CEP128: variants seen among roughly 807,000 people sequenced by gnomAD.
CEP128 encodes the protein centrosomal protein 128.
CEP128 carries 132 observed loss-of-function variants against 156.7 expected under a neutral mutation model. That is an observed-to-expected ratio of 0.84 (90% CI 0.73 to 0.97). The LOEUF is 0.97. Among genes scored for constraint, CEP128 ranks in the 50% least tolerant of loss-of-function variants. The pLI is 0.00. For synonymous variants in CEP128, 469 were observed against 448.9 expected (o/e 1.04, Z -0.57); for missense variants, 1,252 against 1,281.9 (o/e 0.98, Z 0.36).
At chr14:80,905,042 C>A (rs1883806430) in intron 5 of CEP128, 111 bp from the exon 6 acceptor site, 1 of 659,020 alleles carries the variant, frequency 1.5e-6, no homozygotes, top group Non-Finnish European at 2.8e-6. Context: ...TATTCATGTC[C>A]CTAACCCAGA....
intron 2 of CEP128, among the ~76,000 whole-genome samples, chr14:80,936,649 T>C (rs150480458): frequency 6.6e-6 from 1 of 152,016 alleles, no homozygotes; most frequent in Non-Finnish European, 1.5e-5. Flanking sequence ...ACAAAAATAT[T>C]TGCATTATAT....
At chr14:80,625,808 C>A (rs1893690218) in intron 19 of CEP128, among the ~76,000 whole-genome samples, 1 of 143,218 alleles carries the variant, frequency 7.0e-6, no homozygotes, top group African/African-American at 2.6e-5. Context: ...TTTCTTTTTT[C>A]TTCCTTATTT....
Position 80,916,418 on chromosome 14 carries a change from T to C in CEP128, c.130A>G (p.Ile44Val), listed in dbSNP as rs1490261009. The C allele has an allele frequency of 5.6e-6, 9 of 1,613,620 alleles. No homozygotes were observed. Among genetic ancestry groups the C allele is most frequent in the Admixed American group, 1.7e-5 (1 of 59,914 alleles). Residue 44 changes from isoleucine to valine, a missense_variant, in exon 3 of 25, where the codon ATA becomes GTA. Transcript: ENST00000555265. ...AAACTAACCTGTAAAGTACTTGTTATAGTGTTGACCTTCTCGGTAACTTCT... is the reference window on the plus strand; with the variant it reads ...AAACTAACCTGTAAAGTACTTGTTACAGTGTTGACCTTCTCGGTAACTTCT... Reference protein sequence around the residue: ...TVEVTEKVNTITSTLQDTSRN... With the variant: ...TVEVTEKVNTVTSTLQDTSRN...
intron 8 of CEP128, among the ~76,000 whole-genome samples, chr14:80,877,641 T>C (rs1490224360): frequency 6.6e-6 from 1 of 152,202 alleles, no homozygotes; most frequent in Non-Finnish European, 1.5e-5. Flanking sequence ...AAAGCCAGAA[T>C]GGCTGCACAG....
intron 13 of CEP128, among the ~76,000 whole-genome samples, chr14:80,827,161 C>T (rs1885525879): frequency 6.6e-6 from 1 of 151,968 alleles, no homozygotes; most frequent in South Asian, 2.1e-4. Flanking sequence ...CAAAGGTCCC[C>T]TTAAATACTG....
chr14:80,929,021 A>G (rs1474075892), intron 2 of CEP128, among the ~76,000 whole-genome samples: 4 of 152,126 alleles, frequency 2.6e-5, no homozygotes, highest in Non-Finnish European at 5.9e-5. Context: ...ACTCAAACAT[A>G]TCAGAAAAAA....
chr14:80,566,537 T>C (rs1230938443), intron 20 of CEP128, among the ~76,000 whole-genome samples: 1 of 152,200 alleles, frequency 6.6e-6, no homozygotes, highest in Non-Finnish European at 1.5e-5. Context: ...AAAATCACTA[T>C]CTCAGTGTAG....
At chr14:80,943,437 A>G (rs1886245772), upstream of CEP128, among the ~76,000 whole-genome samples, 1 of 152,262 alleles carries the variant, frequency 6.6e-6, no homozygotes, top group Non-Finnish European at 1.5e-5. Flanking sequence ...AGCTACATTA[A>G]TAAAAACTGA....
chr14:80,724,993 TATATC>T (rs1897961866), intron 19 of CEP128, among the ~76,000 whole-genome samples: 1 of 144,112 alleles, frequency 6.9e-6, no homozygotes, highest in Non-Finnish European at 1.5e-5. Context: ...CATATATACA[TATATC>T]ATATATATAT....
chr14:80,479,892 T>C (rs1426542308), intron 14 of CEP128, among the ~76,000 whole-genome samples: 1 of 152,156 alleles, frequency 6.6e-6, no homozygotes, highest in Non-Finnish European at 1.5e-5. Flanking sequence ...AATACAGCCA[T>C]TGCAAGTCTT....
intron 19 of CEP128, among the ~76,000 whole-genome samples, chr14:80,664,025 C>T (rs868250636): frequency 4.6e-5 from 7 of 152,302 alleles, no homozygotes; most frequent in Middle Eastern, 3.4e-3. Flanking sequence ...CCATATCTGC[C>T]CCTGGCAGAA....
chr14:80,747,816 G>C (rs551813365), intron 18 of CEP128, among the ~76,000 whole-genome samples: 2 of 152,186 alleles, frequency 1.3e-5, no homozygotes, highest in African/African-American at 4.8e-5. Flanking sequence ...CAAATGTCCT[G>C]AATAGACAAA....
intron 13 of CEP128, among the ~76,000 whole-genome samples, chr14:80,817,682 G>A (rs1396487440): frequency 6.6e-6 from 1 of 151,958 alleles, no homozygotes; most frequent in Non-Finnish European, 1.5e-5. Flanking sequence ...GGAGATCAAG[G>A]CCATCCTGGC....
intron 19 of CEP128, among the ~76,000 whole-genome samples, chr14:80,681,533 G>A (rs1407983838): frequency 6.6e-6 from 1 of 152,238 alleles, no homozygotes; most frequent in Non-Finnish European, 1.5e-5. Flanking sequence ...CATGTTGTGG[G>A]AGGGAGCAGG....
intron 8 of CEP128, among the ~76,000 whole-genome samples, chr14:80,878,261 T>C (rs76562765): frequency 0.049 from 7,393 of 152,222 alleles, 202 homozygotes; most frequent in Middle Eastern, 0.068. Context: ...ATAAGAGCCA[T>C]GGCTGAGCTG....
At chr14:80,782,711 A>G (rs1249925214) in intron 15 of CEP128, among the ~76,000 whole-genome samples, 1 of 151,710 alleles carries the variant, frequency 6.6e-6, no homozygotes, top group Non-Finnish European at 1.5e-5. Context: ...TTTTTTATCA[A>G]ATCCCCTCAC....
chr14:80,943,339 G>C (rs376155380), upstream of CEP128, among the ~76,000 whole-genome samples: 5 of 152,262 alleles, frequency 3.3e-5, no homozygotes, highest in East Asian at 7.7e-4. Flanking sequence ...GGTTTGTATG[G>C]AAAGACATAA....
intron 2 of CEP128, among the ~76,000 whole-genome samples, chr14:80,922,667 G>C (rs1175507192): frequency 2.0e-5 from 3 of 152,094 alleles, no homozygotes; most frequent in African/African-American, 7.2e-5. Context: ...AGTAGAAGAA[G>C]AAAAACATTT....
At chr14:80,562,462 G>T (rs9323688) in intron 20 of CEP128, among the ~76,000 whole-genome samples, 37,814 of 151,948 alleles carry the variant, frequency 0.25, 5,205 homozygotes, top group African/African-American at 0.36. Flanking sequence ...TAAATAAAGA[G>T]AAATTACTAG....
Sources: gnomAD v4.1 joint callset for allele counts (sites outside exome capture counted in the v4.1 genomes callset) on GRCh38, gnomAD v4.1.1 for gene constraint, MANE v1.5 for transcripts, NCBI Gene and HGNC (gene_info 2026-07-23, HGNC 2026-07-21) for gene names.